The following DNAH5 variants were observed in gnomAD, a reference collection of about 807,000 sequenced individuals.
The protein encoded by DNAH5 is axonemal beta dynein heavy chain 5.
A neutral mutation model predicts 518.2 loss-of-function variants in DNAH5; 372 were observed. The observed-to-expected ratio is 0.72, with a 90% CI of 0.66 to 0.78. The LOEUF (loss-of-function observed/expected upper bound fraction) is 0.78. DNAH5 is among the 30% of genes least tolerant of loss of function. The pLI, the probability that DNAH5 is intolerant of heterozygous loss-of-function variation, is 0.00. For missense variants in DNAH5, 5,523 were observed against 5,687.0 expected (o/e 0.97, Z 0.93); for synonymous variants, 2,039 against 2,025.9 (o/e 1.01, Z -0.17).
chr5:13,883,282 G>C (rs193237624), intron 19 of DNAH5, among the ~76,000 whole-genome samples, 188 bp from the exon 20 acceptor site: 8 of 151,944 alleles, frequency 5.3e-5, no homozygotes, highest in Non-Finnish European at 1.0e-4. Context: ...CAGTTCAGGG[G>C]AACCCAAGGC....
intron 53 of DNAH5, among the ~76,000 whole-genome samples, chr5:13,778,596 A>AGAGAGAGAGAGAAAGAAAG (rs1554044722): frequency 5.9e-5 from 6 of 102,152 alleles, no homozygotes; most frequent in African/African-American, 2.2e-4. Context: ...GAAAGAAAGA[A>AGAGAGAGAGAGAAAGAAAG]AGAGAGAGAG....
At chr5:13,775,877 A>G (rs1341882360) in intron 55 of DNAH5, among the ~76,000 whole-genome samples, 1 of 151,946 alleles carries the variant, frequency 6.6e-6, no homozygotes, top group Non-Finnish European at 1.5e-5. Context: ...ACTGTCCTGA[A>G]TCAGGGTTCT....
chr5:13,823,444 G>T, intron 39 of DNAH5, 74 bp from the exon 40 acceptor site: 1 of 934,232 alleles, frequency 1.1e-6, no homozygotes, highest in Non-Finnish European at 1.8e-6. Flanking sequence ...AACTGGAAAT[G>T]CCCAACACAG....
At chr5:13,961,781 A>G (rs1011498675) in intron 1 of DNAH5, among the ~76,000 whole-genome samples, 1 of 152,004 alleles carries the variant, frequency 6.6e-6, no homozygotes, top group African/African-American at 2.4e-5. Flanking sequence ...CCTCCTACTA[A>G]TCCTTGATGC....
rs62341654 is a variant in DNAH5 at position 13,729,843 on chromosome 5, C to A, written c.11762-283G>T. 0.014 allele frequency among the ~76,000 whole-genome samples: 2,194 copies of A among 152,278 alleles called. 31 individuals are homozygous for A. The highest frequency in any genetic ancestry group is 0.023 in the Non-Finnish European group (1,547 of 68,016). ...GTCTGAGACAAGCCATTTCATTTGT[C>A]TAGGTCTCTAATTCCAAATTAGTAA... On this transcript the variant is annotated intron_variant, in intron 68 of 78. Coordinates refer to ENST00000265104, the MANE Select transcript of DNAH5 (RefSeq NM_001369.3).
At chr5:13,946,137 C>T (rs545268749), upstream of DNAH5, among the ~76,000 whole-genome samples, 1 of 152,256 alleles carries the variant, frequency 6.6e-6, no homozygotes, top group South Asian at 2.1e-4. Flanking sequence ...TTCATTACAT[C>T]GCCGATTATC....
intron 1 of DNAH5, among the ~76,000 whole-genome samples, chr5:13,940,826 A>G (rs1779390853): frequency 6.6e-6 from 1 of 152,184 alleles, no homozygotes; most frequent in South Asian, 2.1e-4. Context: ...CTTGTGCAAA[A>G]ATTGAATGAT....
At chr5:13,988,132 T>C (rs1379647773) in intron 1 of DNAH5, among the ~76,000 whole-genome samples, 1 of 152,210 alleles carries the variant, frequency 6.6e-6, no homozygotes, top group African/African-American at 2.4e-5. Flanking sequence ...AACTGAAATT[T>C]ACTATGCTAT....
rs371030180 is a variant in DNAH5, at chr5:13,716,489, G to A, written c.12907C>T (p.Gln4303Ter). ...STVDNYLQYI[Q>*]SLPAYDSPEV... is the part of the protein sequence containing the mutation. ...ATAAAATTCTGAAGTTGACAAACCT[G>A]GATATACTGAAGATAGTTATCCACT... is the stretch of plus-strand genomic sequence containing the variant. The change falls in exon 74 of 79, where the codon CAG becomes TAG. Residue 4303 changes from glutamine (Q) to a stop codon, truncating the protein, a stop_gained and splice_region_variant. Transcript: ENST00000265104. LOFTEE classifies it high-confidence loss of function. 6.2e-7 allele frequency: 1 copy of A among 1,612,084 alleles called. No individual in the cohort carries two copies. The highest frequency in any genetic ancestry group is 1.1e-5 in the South Asian group (1 of 91,040).
rs60470226 is a variant in DNAH5, at chr5:13,862,860, A to ATATATATATATATG, written c.4597-114_4597-113insCATATATATATATA. On this transcript the variant is annotated intron_variant, in intron 28 of 78. Coordinates refer to ENST00000265104, the MANE Select transcript of DNAH5 (RefSeq NM_001369.3). ...TTGCTTCATATATATATAAATATAT[A>ATATATATATATATG]TATAAACTTTTATATTTCCAGACCT... 11,953 of 291,792 alleles carry ATATATATATATATG rather than the reference A, an allele frequency of 0.041. 450 individuals are homozygous for ATATATATATATATG. The highest frequency in any genetic ancestry group is 0.046 in the Non-Finnish European group (7,860 of 171,280). 18.1% of individuals were successfully genotyped at this position (291,792 alleles called of 1,614,324 possible).
chr5:13,786,075 C>T, intron 52 of DNAH5, 104 bp downstream of exon 52: 1 of 1,190,980 alleles, frequency 8.4e-7, no homozygotes, highest in South Asian at 1.3e-5. Flanking sequence ...TAATTTTAAA[C>T]TGAAGATTCT....
intron 21 of DNAH5, among the ~76,000 whole-genome samples, chr5:13,879,484 A>T (rs1184531183): frequency 3.3e-5 from 5 of 152,156 alleles, no homozygotes; most frequent in African/African-American, 1.2e-4. Context: ...CCCCATTATA[A>T]AGTCAAAAAA....
At chr5:13,912,793 T>C (rs1776166785) in intron 11 of DNAH5, among the ~76,000 whole-genome samples, 2 of 151,904 alleles carry the variant, frequency 1.3e-5, no homozygotes, top group Non-Finnish European at 2.9e-5. Flanking sequence ...AATGGTCACT[T>C]AAGATTATTA....
intron 55 of DNAH5, among the ~76,000 whole-genome samples, chr5:13,773,136 G>C (rs1413228111): frequency 1.3e-5 from 2 of 152,110 alleles, no homozygotes; most frequent in African/African-American, 4.8e-5. Flanking sequence ...ACTATGACTA[G>C]CATAGTATTA....
chr5:13,834,101 CACTT>C (rs1764049628), intron 35 of DNAH5, among the ~76,000 whole-genome samples: 1 of 152,194 alleles, frequency 6.6e-6, no homozygotes, highest in African/African-American at 2.4e-5. Context: ...ATTAATAACT[CACTT>C]CCCACATAAT....
chr5:13,786,793 T>TA (rs2126871943), intron 51 of DNAH5, among the ~76,000 whole-genome samples: 1 of 152,266 alleles, frequency 6.6e-6, no homozygotes, highest in South Asian at 2.1e-4. Context: ...AGGTCAGTGG[T>TA]AAAAATAGAA....
chr5:13,912,467 T>C (rs887298242), intron 11 of DNAH5, among the ~76,000 whole-genome samples: 1 of 124,324 alleles, frequency 8.0e-6, no homozygotes, highest in Non-Finnish European at 1.7e-5. Context: ...CATGGAATGT[T>C]ATATAAAATA....
intron 65 of DNAH5, among the ~76,000 whole-genome samples, chr5:13,742,595 T>C (rs1250402747): frequency 9.9e-5 from 15 of 152,072 alleles, no homozygotes; most frequent in Admixed American, 9.9e-4. Context: ...TAACGATGTA[T>C]ACAATCAGTG....
rs746362871 is a variant in DNAH5, at chr5:13,769,054, G to T, written c.9803C>A (p.Ala3268Asp). 6.2e-7 allele frequency: 1 copy of T among 1,614,172 alleles called. No homozygotes were observed. The highest frequency in any genetic ancestry group is 8.5e-7 in the Non-Finnish European group (1 of 1,180,020). The stretch of plus-strand genomic sequence containing the variant: ...GTCTTTAGAGATGCTGTCCACAATG[G>T]CCTGGGCCCTGTCCTTCACCTTCTG... ...EVQKVKDRAQAIVDSISKDKA... is the reference protein window; with the variant it reads ...EVQKVKDRAQDIVDSISKDKA... Residue 3268 changes from alanine to aspartate, a missense_variant, in exon 58 of 79, where the codon GCC becomes GAC. By Grantham distance (126) the Ala-to-Asp change is moderately radical (BLOSUM62 -2). This residue lies in a region of DNAH5 where 5,121 missense variants were observed against 5,223.3 expected (regional missense o/e 0.98). Transcript: ENST00000265104.
Sources: allele counts gnomAD v4.1 joint callset (sites outside exome capture counted in the v4.1 genomes callset), GRCh38; gene constraint gnomAD v4.1.1; regional missense constraint gnomAD v4.1.1; transcripts MANE v1.5; gene names NCBI Gene and HGNC (gene_info 2026-07-23, HGNC 2026-07-21).